The following SLC35B1 variants were observed in gnomAD, a reference collection of about 807,000 sequenced individuals.
SLC35B1 encodes solute carrier family 35 member B1.
A neutral mutation model predicts 36.6 loss-of-function variants in SLC35B1; 27 were observed. The ratio of observed to expected loss-of-function variants is 0.74; its 90% CI spans 0.54 to 1.02. The LOEUF (loss-of-function observed/expected upper bound fraction) is 1.02. SLC35B1 is among the 50% of genes least tolerant of loss of function. SLC35B1 has a pLI of 0.00. For missense variants in SLC35B1, 321 were observed against 383.2 expected, an observed-to-expected ratio of 0.84 and a Z score of 1.35; for synonymous variants, 162 against 152.5, an observed-to-expected ratio of 1.06 and a Z score of -0.46.
At chr17:49,704,302 C>G (rs1465837941) in intron 5 of SLC35B1, 76 bp from the exon 6 acceptor site, 8 of 1,554,268 alleles carry the variant, frequency 5.1e-6, no homozygotes, top group Non-Finnish European at 7.0e-6. Flanking sequence ...AGGATTCTCA[C>G]TCTCAGGCTC....
chr17:49,708,188 A>T, upstream of SLC35B1: 1 of 631,748 alleles, frequency 1.6e-6, no homozygotes, highest in Non-Finnish European at 2.8e-6. Context: ...AGAGCACCAC[A>T]GGGTGTCCTA....
At chr17:49,703,360 A>G in intron 6 of SLC35B1, 66 bp from the exon 7 acceptor site, 6 of 877,576 alleles carry the variant, frequency 6.8e-6, no homozygotes, top group Non-Finnish European at 5.7e-6. Flanking sequence ...ACACACACAC[A>G]CACACACACA....
rs1813971258 is a variant in SLC35B1, at chr17:49,701,323, AT to A, written c.*134del. 7.2e-6 allele frequency: 5 copies of A among 689,832 alleles called. No homozygotes were observed. The highest frequency in any genetic ancestry group is 1.2e-5 in the Non-Finnish European group (5 of 402,264). 42.7% of individuals were successfully genotyped at this position (689,832 alleles called of 1,614,324 possible). A position where few individuals can be genotyped will look rare whatever the true frequency, so the allele number is the denominator to read the frequency against. On this transcript the variant is annotated 3_prime_UTR_variant, in exon 9 of 9. Coordinates refer to ENST00000240333, the MANE Select transcript of SLC35B1 (RefSeq NM_005827.4). ...CCAAGTGCATTTTTTAGAATATGTG[AT>A]TTTGCTTGATTTTATTTTATTAAAA...
intron 6 of SLC35B1, chr17:49,703,867 T>C: frequency 4.1e-6 from 2 of 492,154 alleles, no homozygotes; most frequent in East Asian, 7.8e-5. Flanking sequence ...CTACTGAGTG[T>C]CTTCCCATGA....
Position 49,705,358 on chromosome 17 carries a change from C to T in SLC35B1, c.371-77G>A, listed in dbSNP as rs1466214367. 5.0e-6 allele frequency: 7 copies of T among 1,398,170 alleles called. 1 individual carries two copies. Among genetic ancestry groups the T allele is most frequent in the East Asian group, 2.4e-5 (1 of 41,612 alleles). The allele number at this position is 1,398,170 out of a possible 1,614,324, so 86.6% of individuals were successfully genotyped here. A position where few individuals can be genotyped will look rare whatever the true frequency, so the allele number is the denominator to read the frequency against. On this transcript the variant is annotated intron_variant, in intron 4 of 8. Transcript: ENST00000240333. ...ACCCCAATGCCCTCCCTCCCAGGAA[C>T]CAAGAAAAGACTCAGGGAGAAAAGA...
chr17:49,707,201 C>G lies in SLC35B1; in HGVS notation c.105-133G>C. 3.8e-6 allele frequency: 5 copies of G among 1,311,008 alleles called. No homozygotes were observed. In the South Asian group the frequency reaches 5.4e-5, roughly 14 times the overall value. 81.2% of individuals were successfully genotyped at this position (1,311,008 alleles called of 1,614,324 possible). On this transcript the variant is annotated intron_variant, in intron 1 of 8. Coordinates refer to ENST00000240333, the MANE Select transcript of SLC35B1 (RefSeq NM_005827.4). ...GATGTAGGCAGAGTTTGTTAAGGAC[C>G]ACTAGGCTCATTTGCAAAAGGGGCT...
At chr17:49,707,991 C>G, upstream of SLC35B1, 1 of 1,473,274 alleles carries the variant, frequency 6.8e-7, no homozygotes, top group Non-Finnish European at 9.2e-7. Flanking sequence ...CAGTCACTAC[C>G]AGAACTGCCG....
chr17:49,707,826 G>A lies in SLC35B1; in HGVS notation c.8C>T (p.Ser3Phe), dbSNP rs767698933. The A allele has an allele frequency of 1.9e-6, 3 of 1,611,912 alleles. No homozygotes were observed. Among genetic ancestry groups the A allele is most frequent in the South Asian group, 1.1e-5 (1 of 90,988 alleles). MA[S>F]SSSLVPDRLR... Reference sequence around the variant, plus strand: ...CCGGTCGGGCACCAGGGAGCTGCTAGAGGCCATGAGACGCCCAGAGGAGCC... The same window carrying A: ...CCGGTCGGGCACCAGGGAGCTGCTAAAGGCCATGAGACGCCCAGAGGAGCC... The change falls in exon 1 of 9, where the codon TCT (serine) becomes TTT (phenylalanine). Residue 3 changes from serine to phenylalanine, a missense_variant. Physicochemically the swap from Ser to Phe is radical, Grantham distance 155. Coordinates refer to ENST00000240333, the MANE Select transcript of SLC35B1 (RefSeq NM_005827.4).
In SLC35B1 at chr17:49,703,000, A is replaced by G. The variant is rs1465089038; in HGVS notation, c.774T>C (p.Phe258=). 6.2e-7 allele frequency: 1 copy of G among 1,614,148 alleles called. No individual in the cohort carries two copies. The highest frequency in any genetic ancestry group is 1.1e-5 in the South Asian group (1 of 91,076). The change falls in exon 8 of 9, where the codon TTT becomes TTC. Residue 258 remains phenylalanine, a synonymous_variant. Coordinates refer to ENST00000240333, the MANE Select transcript of SLC35B1 (RefSeq NM_005827.4). ...GGGGACCAAAATACACAACCGTCAT[A>G]AAGATGAAGCTCTAGAGAAAGATAA... ...LTSALGQSFI[F]MTVVYFGPLT...
In SLC35B1 at chr17:49,704,228, T is replaced by C; in HGVS notation, c.529-2A>G. 6.2e-7 allele frequency: 1 copy of C among 1,613,002 alleles called. No individual in the cohort carries two copies. The highest frequency in any genetic ancestry group is 8.5e-7 in the Non-Finnish European group (1 of 1,179,788). On this transcript the variant is annotated splice_acceptor_variant, in intron 5 of 8. Coordinates refer to ENST00000240333, the MANE Select transcript of SLC35B1 (RefSeq NM_005827.4). LOFTEE classifies it high-confidence loss of function. ...TCCATCCAGGGTCAGCGATAATAGC[T>C]GGGAAAGAAAGGGTGCAGCCTGCAG...
chr17:49,707,915 G>T lies in SLC35B1; in HGVS notation c.-82C>A. 2 of 1,579,650 alleles carry T rather than the reference G, an allele frequency of 1.3e-6. No individual in the cohort carries two copies. The highest frequency in any genetic ancestry group is 1.7e-6 in the Non-Finnish European group (2 of 1,162,976). On this transcript the variant is annotated 5_prime_UTR_variant, in exon 1 of 9. Coordinates refer to ENST00000240333, the MANE Select transcript of SLC35B1 (RefSeq NM_005827.4). ...GCGGCGGAGGCGACAGCTCCAGCCG[G>T]ACATCGCCGACCGGCGGCAGGGGCC...
Position 49,707,798 on chromosome 17 carries a change from C to T in SLC35B1, c.36G>A (p.Leu12=). The stretch of plus-strand genomic sequence containing the variant: ...CACCCAGGAAGCAGAGCGGCAGGCG[C>T]AGCCGGTCGGGCACCAGGGAGCTGC... ...ASSSSLVPDR[L]RLPLCFLGVF... Residue 12 remains leucine, a synonymous_variant, in exon 1 of 9, where the codon CTG becomes CTA. Transcript: ENST00000240333. 6.2e-7 allele frequency: 1 copy of T among 1,611,874 alleles called. No individual in the cohort carries two copies. Among genetic ancestry groups the T allele is most frequent in the Admixed American group, 1.7e-5 (1 of 60,020 alleles).
In SLC35B1 at chr17:49,703,306, T is replaced by G; in HGVS notation, c.656-12A>C. ...AGTGAACAGGATTCCTGAGAAGACA[T>G]GTCAACAAATGTACGGCGCATTTTG... On this transcript the variant is annotated splice_polypyrimidine_tract_variant and intron_variant, in intron 6 of 8. Coordinates refer to ENST00000240333, the MANE Select transcript of SLC35B1 (RefSeq NM_005827.4). The G allele has an allele frequency of 1.9e-6, 3 of 1,560,544 alleles. No individual in the cohort carries two copies. Among genetic ancestry groups the G allele is most frequent in the East Asian group, 4.5e-5 (2 of 44,598 alleles).
At position 49,703,184 on chromosome 17, in the gene SLC35B1, T is replaced by C. The variant is rs764683061; in HGVS notation, c.762+4A>G. ...AGCCAAGCCATCCCCTTTCAAGCACTCACCTGACCCAGGGCACTGGTCAGC... is the reference window on the plus strand; with the variant it reads ...AGCCAAGCCATCCCCTTTCAAGCACCCACCTGACCCAGGGCACTGGTCAGC... On this transcript the variant is annotated splice_donor_region_variant and intron_variant, in intron 7 of 8. Transcript: ENST00000240333. 6.2e-7 allele frequency: 1 copy of C among 1,609,810 alleles called. No homozygotes were observed. The highest frequency in any genetic ancestry group is 1.1e-5 in the South Asian group (1 of 90,998).
intron 8 of SLC35B1, 60 bp downstream of exon 8, chr17:49,702,798 T>C (rs922166952): frequency 6.6e-7 from 1 of 1,512,402 alleles, no homozygotes; most frequent in Non-Finnish European, 9.0e-7. Context: ...TTCATAAATA[T>C]ACAAGTAAAT....
In SLC35B1 at chr17:49,707,768, A is replaced by G; in HGVS notation, c.66T>C (p.Phe22=). Residue 22 remains phenylalanine (F), a synonymous_variant, in exon 1 of 9, where the codon TTT becomes TTC. Coordinates refer to ENST00000240333, the MANE Select transcript of SLC35B1 (RefSeq NM_005827.4). ...GGATCCCATAGTAAAAATAGCAGACAAAGACACCCAGGAAGCAGAGCGGCA... is the reference window on the plus strand; with the variant it reads ...GGATCCCATAGTAAAAATAGCAGACGAAGACACCCAGGAAGCAGAGCGGCA... The part of the protein sequence containing the change: ...LRLPLCFLGV[F]VCYFYYGILQ... 6.2e-7 allele frequency: 1 copy of G among 1,612,104 alleles called. No individual in the cohort carries two copies. The highest frequency in any genetic ancestry group is 8.5e-7 in the Non-Finnish European group (1 of 1,179,866).
rs987463526 is a variant in SLC35B1, at chr17:49,701,333, A to T, written c.*125T>A. The T allele has an allele frequency of 2.0e-5, 15 of 743,838 alleles. No individual in the cohort carries two copies. In the African/African-American group the frequency reaches 2.5e-4, roughly 12 times the overall value. The allele number at this position is 743,838 out of a possible 1,614,324, so 46.1% of individuals were successfully genotyped here. ...TTTTTAGAATATGTGATTTTGCTTGATTTTATTTTATTAAAAAAGACTGGA... is the reference window on the plus strand; with the variant it reads ...TTTTTAGAATATGTGATTTTGCTTGTTTTTATTTTATTAAAAAAGACTGGA... On this transcript the variant is annotated 3_prime_UTR_variant, in exon 9 of 9. Coordinates refer to ENST00000240333, the MANE Select transcript of SLC35B1 (RefSeq NM_005827.4).
intron 8 of SLC35B1, 44 bp downstream of exon 8, chr17:49,702,814 G>C: frequency 6.5e-7 from 1 of 1,547,526 alleles, no homozygotes; most frequent in South Asian, 1.2e-5. Context: ...TAAATTTTAG[G>C]AGAAAAAATT....
At position 49,702,988 on chromosome 17, in the gene SLC35B1, C is replaced by T. The variant is rs753131434; in HGVS notation, c.786G>A (p.Val262=). 4 of 1,614,066 alleles carry T rather than the reference C, an allele frequency of 2.5e-6. No homozygotes were observed. The highest frequency in any genetic ancestry group is 2.2e-5 in the South Asian group (2 of 91,056). Residue 262 remains valine (V), a synonymous_variant, in exon 8 of 9, where the codon GTG becomes GTA. Coordinates refer to ENST00000240333, the MANE Select transcript of SLC35B1 (RefSeq NM_005827.4). ...TGGAGCAGGTCAGGGGACCAAAATA[C>T]ACAACCGTCATAAAGATGAAGCTCT... ...LGQSFIFMTV[V]YFGPLTCSII...
Sources: gnomAD v4.1 joint callset for allele counts on GRCh38, gnomAD v4.1.1 for gene constraint, MANE v1.5 for transcripts, NCBI Gene and HGNC (gene_info 2026-07-23, HGNC 2026-07-21) for gene names.